The following FUZ variants were observed in gnomAD, a reference collection of about 807,000 sequenced individuals.
The protein encoded by FUZ is protein fuzzy homolog.
FUZ carries 31 observed loss-of-function variants against 43.1 expected under a neutral mutation model. That is an observed-to-expected ratio of 0.72 (90% CI 0.54 to 0.97). FUZ has a LOEUF of 0.97. FUZ is among the 50% of genes least tolerant of loss of function. The pLI, the probability that FUZ is intolerant of heterozygous loss-of-function variation, is 0.00. For synonymous variants in FUZ, 274 were observed against 250.0 expected (o/e 1.10, Z -0.91); for missense variants, 539 against 543.8 (o/e 0.99, Z 0.09).
At position 49,812,705 on chromosome 19, in the gene FUZ, C is replaced by G; in HGVS notation, c.143G>C (p.Gly48Ala). The stretch of plus-strand genomic sequence containing the variant: ...CAGATTCTGCCCAAACATGTGGACT[C>G]CATTGAGGGAACCGATGACAGAGAA... ...LPFSVIGSLN[G>A]VHMFGQNLEV... The change falls in exon 2 of 11, where the codon GGA becomes GCA. Residue 48 changes from glycine to alanine, a missense_variant. Gly to Ala is a moderately conservative substitution (Grantham distance 60). Transcript: ENST00000313777. 1 of 1,614,088 alleles carries G rather than the reference C, an allele frequency of 6.2e-7. No homozygotes were observed. Among genetic ancestry groups the G allele is most frequent in the Non-Finnish European group, 8.5e-7 (1 of 1,180,014 alleles).
At chr19:49,810,241 G>C (rs2073697192) in intron 5 of FUZ, among the ~76,000 whole-genome samples, 1 of 152,220 alleles carries the variant, frequency 6.6e-6, no homozygotes, top group East Asian at 1.9e-4. Flanking sequence ...TGGTGGCCGG[G>C]TGTGATGGCT....
At chr19:49,808,084 G>A in intron 10 of FUZ, 1 of 411,012 alleles carries the variant, frequency 2.4e-6, no homozygotes, top group Admixed American at 3.6e-5. Flanking sequence ...TCTGTAATAT[G>A]GGAATGATGA....
At chr19:49,812,523 C>T (rs1208869243) in intron 2 of FUZ, 92 bp downstream of exon 2, 9 of 1,565,860 alleles carry the variant, frequency 5.7e-6, no homozygotes, top group East Asian at 2.2e-5. Flanking sequence ...AAATTAACAG[C>T]TGCTTTTAGA....
At position 49,807,021 on chromosome 19, in the gene FUZ, CCCCT is replaced by C; in HGVS notation, c.*126_*129del. 1.0e-6 allele frequency: 1 copy of C among 960,856 alleles called. No individual in the cohort carries two copies. The highest frequency in any genetic ancestry group is 1.5e-6 in the Non-Finnish European group (1 of 656,156). The allele number at this position is 960,856 out of a possible 1,614,324, so 59.5% of individuals were successfully genotyped here. ...GGGGCCAGGGAAGTGGATGTCTCCT[CCCCT>C]CCCACCCCACCCTGTTGTAGCCCCT... On this transcript the variant is annotated 3_prime_UTR_variant, in exon 11 of 11. Transcript: ENST00000313777.
Position 49,809,541 on chromosome 19 carries a change from G to A in FUZ, c.527C>T (p.Thr176Met), listed in dbSNP as rs1404568917. The change falls in exon 6 of 11, where the codon ACG (threonine) becomes ATG (methionine). Residue 176 changes from threonine (T) to methionine (M), a missense_variant. Coordinates refer to ENST00000313777, the MANE Select transcript of FUZ (RefSeq NM_025129.5). The surrounding 1 kb of genome is among the most constrained non-coding windows in gnomAD (Gnocchi z 5.1). The part of the protein sequence containing the change: ...ALSGFAEAAG[T>M]TFVSLVVSGR... ...GGACACCACCAGACTGACGAAGGTC[G>A]TGCCCGCGGCCTCAGCGAACCCGGA... The A allele has an allele frequency of 3.1e-6, 5 of 1,601,132 alleles. No homozygotes were observed. The highest frequency in any genetic ancestry group is 4.5e-5 in the East Asian group (2 of 44,680).
chr19:49,809,046 GC>G lies in FUZ; in HGVS notation c.786+116del. The G allele has an allele frequency of 9.5e-7, 1 of 1,055,220 alleles. No individual in the cohort carries two copies. The allele number at this position is 1,055,220 out of a possible 1,614,324, so 65.4% of individuals were successfully genotyped here. On this transcript the variant is annotated intron_variant, in intron 7 of 10. Coordinates refer to ENST00000313777, the MANE Select transcript of FUZ (RefSeq NM_025129.5). This position sits in a 1 kb window ranked among gnomAD's most constrained non-coding sequence, Gnocchi z 5.1. The stretch of plus-strand genomic sequence containing the variant: ...TGGCGGGTAGGTGAATGACTGGAGC[GC>G]AGTCCAGAAGAGGCGGGGCTGGGGA...
Position 49,808,730 on chromosome 19 carries a change from T to C in FUZ, c.880A>G (p.Thr294Ala). 6.3e-7 allele frequency: 1 copy of C among 1,589,666 alleles called. No homozygotes were observed. Residue 294 changes from threonine to alanine, a missense_variant, in exon 8 of 11, where the codon ACA becomes GCA. Thr to Ala is a moderately conservative substitution (Grantham distance 58). Coordinates refer to ENST00000313777, the MANE Select transcript of FUZ (RefSeq NM_025129.5). ...TCCGAGCCCTACCCGAGGATGTCTG[T>C]GTGAAGGGGGAAGCCACTGGGCAGC... ...RALPSGFPLH[T>A]DILGLLLLHL...
chr19:49,809,025 G>A lies in FUZ; in HGVS notation c.786+138C>T, dbSNP rs1233385716. 5.2e-6 allele frequency: 5 copies of A among 956,222 alleles called. No individual in the cohort carries two copies. Among genetic ancestry groups the A allele is most frequent in the Non-Finnish European group, 6.5e-6 (4 of 611,852 alleles). 59.2% of individuals were successfully genotyped at this position (956,222 alleles called of 1,614,324 possible). ...AGAGGCGGGAGCGGCCGATCTTGGC[G>A]GGTAGGTGAATGACTGGAGCGCAGT... is the stretch of plus-strand genomic sequence containing the variant. On this transcript the variant is annotated intron_variant, in intron 7 of 10. Coordinates refer to ENST00000313777, the MANE Select transcript of FUZ (RefSeq NM_025129.5). This position sits in a 1 kb window ranked among gnomAD's most constrained non-coding sequence, Gnocchi z 5.1.
chr19:49,810,248 G>T (rs1304503971), intron 5 of FUZ, among the ~76,000 whole-genome samples: 1 of 152,086 alleles, frequency 6.6e-6, no homozygotes, highest in Admixed American at 6.6e-5. Context: ...CGGGTGTGAT[G>T]GCTCACACCT....
At position 49,812,301 on chromosome 19, in the gene FUZ, T is replaced by C. The variant is rs2073831504; in HGVS notation, c.268A>G (p.Ile90Val). Residue 90 changes from isoleucine to valine, a missense_variant, in exon 3 of 11, where the codon ATC (isoleucine) becomes GTC (valine). By Grantham distance (29) the Ile-to-Val change is conservative. Coordinates refer to ENST00000313777, the MANE Select transcript of FUZ (RefSeq NM_025129.5). Reference sequence around the variant, plus strand: ...AGTCTCTCCAGCCTCAGCTCAGAGATGCCCACCTCAGATGACAGAACAATG... The same window carrying C: ...AGTCTCTCCAGCCTCAGCTCAGAGACGCCCACCTCAGATGACAGAACAATG... ...TLIVLSSEVG[I>V]SELRLERLLQ... is the part of the protein sequence containing the mutation. 1 of 1,614,084 alleles carries C rather than the reference T, an allele frequency of 6.2e-7. No individual in the cohort carries two copies. The highest frequency in any genetic ancestry group is 8.5e-7 in the Non-Finnish European group (1 of 1,179,978).
chr19:49,810,678 C>CAAAAAAAAAAAA (rs34752826), intron 5 of FUZ, among the ~76,000 whole-genome samples: 1 of 90,538 alleles, frequency 1.1e-5, no homozygotes, highest in African/African-American at 4.4e-5. Flanking sequence ...GACTCTGTCT[C>CAAAAAAAAAAAA]AAAAAAAAAA....
At chr19:49,812,155 G>T in intron 3 of FUZ, 96 bp downstream of exon 3, 2 of 815,416 alleles carry the variant, frequency 2.5e-6, no homozygotes, top group Non-Finnish European at 4.2e-6. Context: ...TCTGAGGAAG[G>T]AAGTGTTGGT....
chr19:49,812,570 C>A (rs1330704949), intron 2 of FUZ, 45 bp downstream of exon 2: 2 of 1,613,742 alleles, frequency 1.2e-6, no homozygotes, highest in Admixed American at 1.7e-5. Flanking sequence ...TCAACAGGGA[C>A]TATCACCCAG....
intron 10 of FUZ, among the ~76,000 whole-genome samples, chr19:49,807,649 A>G (rs1466023360): frequency 2.0e-5 from 3 of 152,152 alleles, no homozygotes; most frequent in African/African-American, 4.8e-5. Flanking sequence ...AGCAATACAC[A>G]TGGCGAACAC....
intron 10 of FUZ, 59 bp downstream of exon 10, chr19:49,808,355 T>C (rs983468722): frequency 2.6e-6 from 4 of 1,547,210 alleles, no homozygotes; most frequent in Non-Finnish European, 2.6e-6. Context: ...TCCCATTTTG[T>C]GCGACCTGGG....
chr19:49,807,793 T>C (rs2073474344), intron 10 of FUZ, among the ~76,000 whole-genome samples: 1 of 152,074 alleles, frequency 6.6e-6, no homozygotes, highest in Admixed American at 6.5e-5. Context: ...AGCCCCCGAG[T>C]TGGAGCTCTT....
Position 49,808,445 on chromosome 19 carries a change from A to G in FUZ, c.1002T>C (p.Tyr334=), listed in dbSNP as rs375291937. 4.8e-4 allele frequency: 769 copies of G among 1,612,622 alleles called. 1 individual carries two copies. The highest frequency in any genetic ancestry group is 4.7e-3 in the Middle Eastern group (28 of 5,986). Reference sequence around the variant, plus strand: ...GGAAGTGCGTGGAGGTGACCAGGGTATAGAAGTTTCGGAGGAGGCGCCGGC... The same window carrying G: ...GGAAGTGCGTGGAGGTGACCAGGGTGTAGAAGTTTCGGAGGAGGCGCCGGC... ...EQRRRLLRNF[Y]TLVTSTHFPP... Residue 334 remains tyrosine (Y), a synonymous_variant, in exon 10 of 11, where the codon TAT becomes TAC. Transcript: ENST00000313777.
At position 49,813,128 on chromosome 19, in the gene FUZ, C is replaced by CA. The variant is rs762871540; in HGVS notation, c.-23_-22insT. The CA allele has an allele frequency of 6.5e-7, 1 of 1,536,886 alleles. No homozygotes were observed. Among genetic ancestry groups the CA allele is most frequent in the East Asian group, 2.4e-5 (1 of 40,848 alleles). On this transcript the variant is annotated 5_prime_UTR_variant, in exon 1 of 11. It adds an upstream start codon to the 5' untranslated region. Transcript: ENST00000313777. The stretch of plus-strand genomic sequence containing the variant: ...CCATTTAGGACTCCCACCGCGGTCC[C>CA]TCACGTGGGGACTGTCAGTGCGGGT...
chr19:49,807,393 G>A lies in FUZ; in HGVS notation c.1034-19C>T. On this transcript the variant is annotated intron_variant, in intron 10 of 10. Transcript: ENST00000313777. ...CCTGGCTCTGGAGAAAGAACAGGGG[G>A]CACTGACATGACAAGTAGCATGCTA... is the stretch of plus-strand genomic sequence containing the variant. 8 of 1,598,538 alleles carry A rather than the reference G, an allele frequency of 5.0e-6. No homozygotes were observed. The highest frequency in any genetic ancestry group is 1.7e-5 in the Admixed American group (1 of 57,890).
Sources: gnomAD v4.1 joint callset for allele counts (sites outside exome capture counted in the v4.1 genomes callset) on GRCh38, gnomAD v4.1.1 for gene constraint, Gnocchi (gnomAD v3.1) non-coding constraint, MANE v1.5 for transcripts, NCBI Gene and HGNC (gene_info 2026-07-23, HGNC 2026-07-21) for gene names.